The following HADHB variants were observed in gnomAD, a reference collection of about 807,000 sequenced individuals.
HADHB encodes hydroxyacyl-CoA dehydrogenase trifunctional multienzyme complex subunit beta, also known as trifunctional enzyme subunit beta, mitochondrial.
HADHB carries 50 observed loss-of-function variants against 61.9 expected under a neutral mutation model. The ratio of observed to expected loss-of-function variants is 0.81; its 90% CI spans 0.64 to 1.02. HADHB has a LOEUF of 1.02. HADHB is among the 50% of genes least tolerant of loss of function. The pLI is 0.00. For synonymous variants in HADHB, 191 were observed against 201.6 expected (o/e 0.95, Z 0.45); for missense variants, 504 against 586.5 (o/e 0.86, Z 1.45).
intron 1 of HADHB, among the ~76,000 whole-genome samples, chr2:26,253,679 C>T (rs545207576): frequency 6.6e-6 from 1 of 151,906 alleles, no homozygotes; most frequent in Admixed American, 6.6e-5. Flanking sequence ...TGGCAAAACC[C>T]CATGTCTACT....
intron 1 of HADHB, among the ~76,000 whole-genome samples, chr2:26,245,830 T>TC (rs1409273711): frequency 2.0e-5 from 3 of 152,070 alleles, no homozygotes; most frequent in Admixed American, 2.0e-4. Flanking sequence ...GTCCTCACAT[T>TC]CCCCAAATTA....
At chr2:26,279,407 T>A (rs1199558633) in intron 9 of HADHB, 92 bp downstream of exon 9, 2 of 914,950 alleles carry the variant, frequency 2.2e-6, no homozygotes, top group Non-Finnish European at 3.6e-6. Flanking sequence ...ATAAGTATGT[T>A]GGTTCTGTTT....
chr2:26,274,469 T>C (rs1386229157), intron 6 of HADHB, among the ~76,000 whole-genome samples: 1 of 152,188 alleles, frequency 6.6e-6, no homozygotes, highest in Non-Finnish European at 1.5e-5. Flanking sequence ...AGTATCACTG[T>C]CAACTGAGAG....
chr2:26,261,117 G>A (rs1671843263), intron 3 of HADHB: 2 of 889,764 alleles, frequency 2.2e-6, no homozygotes, highest in South Asian at 1.4e-5. Flanking sequence ...ACTTAGGGAT[G>A]TGTCTATGGC....
intron 1 of HADHB, among the ~76,000 whole-genome samples, chr2:26,253,857 AAAAT>A (rs146843338): frequency 0.028 from 3,487 of 125,580 alleles, 64 homozygotes; most frequent in East Asian, 0.1. Context: ...CCATCTCAAA[AAAAT>A]AAATAAATAA....
Position 26,255,185 on chromosome 2 carries a change from C to T in HADHB, c.109+711C>T, listed in dbSNP as rs72849956. The stretch of plus-strand genomic sequence containing the variant: ...TGATTTTGGTTTTATTATGGTATTT[C>T]TACCTGTATAATAATAGAAAAAATA... On this transcript the variant is annotated intron_variant, in intron 3 of 15. Coordinates refer to ENST00000317799, the MANE Select transcript of HADHB (RefSeq NM_000183.3). 6.3e-3 allele frequency among the ~76,000 whole-genome samples: 959 copies of T among 152,190 alleles called. 8 individuals are homozygous for T. Among genetic ancestry groups the T allele is most frequent in the African/African-American group, 0.022 (897 of 41,524 alleles).
intron 5 of HADHB, among the ~76,000 whole-genome samples, chr2:26,270,495 C>T (rs1340257014): frequency 6.6e-6 from 1 of 152,160 alleles, no homozygotes; most frequent in Non-Finnish European, 1.5e-5. Context: ...CAACCAGCCA[C>T]AGTTCTTTCT....
intron 3 of HADHB, among the ~76,000 whole-genome samples, chr2:26,263,097 T>A (rs1238414393): frequency 6.6e-6 from 1 of 151,980 alleles, no homozygotes; most frequent in East Asian, 1.9e-4. Flanking sequence ...GTCAGGAGTT[T>A]GAGACCAGTC....
At chr2:26,255,359 G>A (rs965704375) in intron 3 of HADHB, among the ~76,000 whole-genome samples, 8 of 152,040 alleles carry the variant, frequency 5.3e-5, no homozygotes, top group Admixed American at 1.3e-4. Context: ...AATTAGCTGG[G>A]CATGGTGGCA....
At chr2:26,271,781 CA>C (rs930849587) in intron 5 of HADHB, among the ~76,000 whole-genome samples, 2 of 150,970 alleles carry the variant, frequency 1.3e-5, no homozygotes, top group Admixed American at 6.6e-5. Flanking sequence ...TCCATCTCTA[CA>C]AAAAAAAATT....
Position 26,279,167 on chromosome 2 carries a change from G to A in HADHB, c.663G>A (p.Glu221=). 1 of 1,614,062 alleles carries A rather than the reference G, an allele frequency of 6.2e-7. No homozygotes were observed. The highest frequency in any genetic ancestry group is 1.1e-5 in the South Asian group (1 of 91,064). ...LPAVSEFSTS[E]TMGHSADRLA... The stretch of plus-strand genomic sequence containing the variant: ...CGGTTTCTGAGTTCTCCACCAGTGA[G>A]ACCATGGGCCACTCTGCAGACCGAC... Residue 221 remains glutamate (E), a synonymous_variant, in exon 9 of 16, where the codon GAG becomes GAA. Coordinates refer to ENST00000317799, the MANE Select transcript of HADHB (RefSeq NM_000183.3).
intron 1 of HADHB, among the ~76,000 whole-genome samples, chr2:26,252,599 C>G (rs1437604265): frequency 6.6e-6 from 1 of 152,156 alleles, no homozygotes; most frequent in Non-Finnish European, 1.5e-5. Flanking sequence ...TGCTGTACAG[C>G]TATTTTGCAC....
intron 13 of HADHB, 53 bp downstream of exon 13, chr2:26,284,257 T>C: frequency 1.0e-6 from 1 of 989,536 alleles, no homozygotes; most frequent in Non-Finnish European, 1.6e-6. Context: ...AAAAATGTCA[T>C]CCATATTTGT....
At chr2:26,289,124 C>T (rs1282231681) in intron 15 of HADHB, among the ~76,000 whole-genome samples, 1 of 152,078 alleles carries the variant, frequency 6.6e-6, no homozygotes, top group African/African-American at 2.4e-5. Context: ...GTGGCGGGCG[C>T]CTGTAGTCCC....
chr2:26,275,900 T>G (rs1672517822), intron 6 of HADHB, among the ~76,000 whole-genome samples: 1 of 152,174 alleles, frequency 6.6e-6, no homozygotes, highest in Non-Finnish European at 1.5e-5. Context: ...TTTACTAAAT[T>G]ATAGGAGAGT....
intron 5 of HADHB, among the ~76,000 whole-genome samples, 198 bp from the exon 6 acceptor site, chr2:26,273,453 T>C (rs1044833008): frequency 3.9e-5 from 6 of 152,062 alleles, no homozygotes; most frequent in African/African-American, 1.5e-4. Flanking sequence ...GCATCAAATG[T>C]TGACTTTTAA....
In HADHB at chr2:26,287,161, G is replaced by A. The variant is rs369899148; in HGVS notation, c.1389+1590G>A. On this transcript the variant is annotated intron_variant, in intron 15 of 15. Transcript: ENST00000317799. ...GGAGGTTGCAGTGAGCCGAGATGGC[G>A]CCATTGCACTCCAGCCTGGTGACAG... is the stretch of plus-strand genomic sequence containing the variant. Among the ~76,000 whole-genome samples, 47 of 152,164 alleles carry A rather than the reference G, an allele frequency of 3.1e-4. No homozygotes were observed. The South Asian group carries it at 9.1e-3, about 30-fold the overall frequency.
intron 1 of HADHB, among the ~76,000 whole-genome samples, chr2:26,252,080 C>T (rs184306767): frequency 8.9e-4 from 135 of 152,344 alleles, no homozygotes; most frequent in African/African-American, 2.7e-3. Context: ...GGCATCAGTT[C>T]CTCACCACAG....
intron 5 of HADHB, among the ~76,000 whole-genome samples, chr2:26,270,505 T>TG (rs1672292160): frequency 6.6e-6 from 1 of 152,252 alleles, no homozygotes; most frequent in Admixed American, 6.5e-5. Context: ...CAGTTCTTTC[T>TG]TAGTTTGGAG....
Sources: gnomAD v4.1 joint callset for allele counts (sites outside exome capture counted in the v4.1 genomes callset) on GRCh38, gnomAD v4.1.1 for gene constraint, MANE v1.5 for transcripts, NCBI Gene and HGNC (gene_info 2026-07-23, HGNC 2026-07-21) for gene names.